TIMP3: variants seen among roughly 807,000 people sequenced by gnomAD.
TIMP3 encodes the protein metalloproteinase inhibitor 3.
A neutral mutation model predicts 30.0 loss-of-function variants in TIMP3; 11 were observed. The observed-to-expected ratio is 0.37, with a 90% CI of 0.23 to 0.61. The LOEUF (loss-of-function observed/expected upper bound fraction) is 0.61. TIMP3 is among the 20% of genes least tolerant of loss of function. TIMP3 has a pLI of 0.70. For missense variants in TIMP3, 181 were observed against 276.8 expected, an observed-to-expected ratio of 0.65 and a Z score of 2.45; for synonymous variants, 112 against 111.3, an observed-to-expected ratio of 1.01 and a Z score of -0.04.
chr22:32,802,594 T>C (rs1489847008), intron 1 of TIMP3, among the ~76,000 whole-genome samples: 2 of 151,852 alleles, frequency 1.3e-5, no homozygotes, highest in African/African-American at 4.8e-5. Context: ...CATCATCTCC[T>C]GCGCCTATGA....
intron 2 of TIMP3, among the ~76,000 whole-genome samples, chr22:32,856,844 A>G (rs2048382407): frequency 6.6e-6 from 1 of 152,040 alleles, no homozygotes; most frequent in South Asian, 2.1e-4. Flanking sequence ...TCTGGTAACC[A>G]CCAATCCACT....
chr22:32,833,164 C>T lies in TIMP3; in HGVS notation c.122-16288C>T, dbSNP rs185511094. 7.2e-5 allele frequency among the ~76,000 whole-genome samples: 11 copies of T among 152,234 alleles called. No individual in the cohort carries two copies. The East Asian group carries it at 7.7e-4, about 11-fold the overall frequency. On this transcript the variant is annotated intron_variant, in intron 1 of 4. Transcript: ENST00000266085. ...TGAACTCTCAACCTTGTATACTGAT[C>T]GGTGGCTCCTGGGAAATTTGCATTT...
intron 1 of TIMP3, 73 bp from the exon 2 acceptor site, chr22:32,849,379 C>T: frequency 1.5e-6 from 2 of 1,357,502 alleles, no homozygotes; most frequent in Non-Finnish European, 1.0e-6. Context: ...GGCTAGCGTG[C>T]CCGCCCTGAG....
Position 32,837,564 on chromosome 22 carries a change from T to C in TIMP3, c.122-11888T>C, listed in dbSNP as rs191985895. On this transcript the variant is annotated intron_variant, in intron 1 of 4. Coordinates refer to ENST00000266085, the MANE Select transcript of TIMP3 (RefSeq NM_000362.5). This position sits in a 1 kb window ranked among gnomAD's most constrained non-coding sequence, Gnocchi z 4.1. The stretch of plus-strand genomic sequence containing the variant: ...GACAGAGATGCATGAAATACTAACG[T>C]TGAAGATTAGAAATGGGATGTGCAC... 6.6e-6 allele frequency among the ~76,000 whole-genome samples: 1 copy of C among 152,066 alleles called. No homozygotes were observed. The highest frequency in any genetic ancestry group is 1.9e-4 in the East Asian group (1 of 5,164).
At chr22:32,816,150 T>G (rs1485841396) in intron 1 of TIMP3, among the ~76,000 whole-genome samples, 1 of 152,124 alleles carries the variant, frequency 6.6e-6, no homozygotes, top group Non-Finnish European at 1.5e-5. Flanking sequence ...CATTCCGCCT[T>G]CCCAGTTGGG....
At chr22:32,805,766 C>G (rs970050528) in intron 1 of TIMP3, among the ~76,000 whole-genome samples, 4 of 152,160 alleles carry the variant, frequency 2.6e-5, no homozygotes, top group African/African-American at 9.6e-5. Flanking sequence ...TCAGTTATAC[C>G]ATGCTTCAAA....
At chr22:32,814,324 A>AAAGAAAGAAAGAAAGAAAGAAAGAAAGG (rs143987389) in intron 1 of TIMP3, among the ~76,000 whole-genome samples, 19 of 65,976 alleles carry the variant, frequency 2.9e-4, no homozygotes, top group African/African-American at 9.2e-4. Context: ...AGACAGAAAG[A>AAAGAAAGAAAGAAAGAAAGAAAGAAAGG]AAGAAAGAAA....
At chr22:32,859,130 G>C in intron 4 of TIMP3, 50 bp from the exon 5 acceptor site, 1 of 1,599,072 alleles carries the variant, frequency 6.3e-7, no homozygotes, top group Middle Eastern at 1.7e-4. Flanking sequence ...CCTCAGGCCT[G>C]GGCATACCAT....
chr22:32,836,402 A>G (rs1311147939), intron 1 of TIMP3, among the ~76,000 whole-genome samples: 1 of 152,250 alleles, frequency 6.6e-6, no homozygotes, highest in African/African-American at 2.4e-5. Flanking sequence ...AGGCCAGGGC[A>G]GGTGGTTCAG....
At chr22:32,841,923 G>A (rs978296422) in intron 1 of TIMP3, among the ~76,000 whole-genome samples, 27 of 152,154 alleles carry the variant, frequency 1.8e-4, no homozygotes, top group Admixed American at 2.6e-4. Flanking sequence ...TGTCAGTTGT[G>A]CAGATGGTGC....
At chr22:32,842,211 C>T (rs896683642) in intron 1 of TIMP3, among the ~76,000 whole-genome samples, 2 of 152,054 alleles carry the variant, frequency 1.3e-5, no homozygotes, top group Non-Finnish European at 1.5e-5. Flanking sequence ...CATTCCAGTA[C>T]GCCGTGATCA....
Position 32,836,918 on chromosome 22 carries a change from A to G in TIMP3, c.122-12534A>G, listed in dbSNP as rs1018855875. Among the ~76,000 whole-genome samples the G allele has an allele frequency of 3.3e-5, 5 of 152,184 alleles. No homozygotes were observed. In the East Asian group the frequency reaches 9.6e-4, roughly 29 times the overall value. On this transcript the variant is annotated intron_variant, in intron 1 of 4. Transcript: ENST00000266085. ...CATTGGCTCTTGTTCAAACCACAAG[A>G]AAGTCTCCTGCCCACTCCTGGTGCA...
intron 2 of TIMP3, among the ~76,000 whole-genome samples, chr22:32,853,274 A>G (rs2048273417): frequency 6.6e-6 from 1 of 152,206 alleles, no homozygotes; most frequent in Non-Finnish European, 1.5e-5. Context: ...CTGTCCTGCT[A>G]GACAAATTGC....
Position 32,858,230 on chromosome 22 carries a change from G to A in TIMP3, c.438+92G>A, listed in dbSNP as rs1162836149. 3.8e-5 allele frequency: 60 copies of A among 1,560,916 alleles called. 2 individuals carry two copies. The South Asian group carries it at 6.0e-4, about 16-fold the overall frequency. On this transcript the variant is annotated intron_variant, in intron 4 of 4. Transcript: ENST00000266085. ...CCAATGCACTGGGTGCCAGGCCCTC[G>A]GCTGGGAAGGGTATGCATGTGTTAG...
rs1435584885 is a variant in TIMP3, at chr22:32,861,151, A to G, written c.*1774A>G. 1 of 144,844 alleles carries G rather than the reference A, an allele frequency of 6.9e-6. No homozygotes were observed. Among genetic ancestry groups the G allele is most frequent in the East Asian group, 2.0e-4 (1 of 4,908 alleles). 9.0% of individuals were successfully genotyped at this position (144,844 alleles called of 1,614,324 possible). ...TTCAGTTCATTCCACTTTAGGAAAC[A>G]GAGCTGCCAATTGAAACAGAAGAAG... On this transcript the variant is annotated 3_prime_UTR_variant, in exon 5 of 5. Transcript: ENST00000266085.
At position 32,860,735 on chromosome 22, in the gene TIMP3, G is replaced by A. The variant is rs1028818584; in HGVS notation, c.*1358G>A. On this transcript the variant is annotated 3_prime_UTR_variant, in exon 5 of 5. Transcript: ENST00000266085. ...TGGGCACAGGAGGGAGAGCTGCAGA[G>A]TGTCCTGCCTGCCTTGGCTGGAGGG... is the stretch of plus-strand genomic sequence containing the variant. 4 of 152,084 alleles carry A rather than the reference G, an allele frequency of 2.6e-5. No homozygotes were observed. Among genetic ancestry groups the A allele is most frequent in the African/African-American group, 7.2e-5 (3 of 41,398 alleles). 9.4% of individuals were successfully genotyped at this position (152,084 alleles called of 1,614,324 possible).
At position 32,807,356 on chromosome 22, in the gene TIMP3, A is replaced by T. The variant is rs1313621352; in HGVS notation, c.121+5234A>T. ...TTTATATATAATATATAAATATATA[A>T]TATATAATATATATTATATATAATA... On this transcript the variant is annotated intron_variant, in intron 1 of 4. Transcript: ENST00000266085. Among the ~76,000 whole-genome samples, 8 of 4,112 alleles carry T rather than the reference A, an allele frequency of 1.9e-3. 1 individual carries two copies. In the South Asian group the frequency reaches 0.087, roughly 45 times the overall value. The allele number at this position is 4,112 out of a possible 152,430, so 2.7% of individuals were successfully genotyped here.
At chr22:32,807,320 TA>T (rs1360447556) in intron 1 of TIMP3, among the ~76,000 whole-genome samples, 1,455 of 105,544 alleles carry the variant, frequency 0.014, 38 homozygotes, top group Admixed American at 0.095. Context: ...ATATAATATA[TA>T]AATATATAAT....
intron 2 of TIMP3, among the ~76,000 whole-genome samples, chr22:32,852,414 C>T (rs565782711): frequency 7.2e-5 from 11 of 152,164 alleles, no homozygotes; most frequent in African/African-American, 2.7e-4. Context: ...CTTGTAATAT[C>T]CTGCAAAGGG....
Sources: gnomAD v4.1 joint callset for allele counts (sites outside exome capture counted in the v4.1 genomes callset) on GRCh38, gnomAD v4.1.1 for gene constraint, Gnocchi (gnomAD v3.1) non-coding constraint, MANE v1.5 for transcripts, NCBI Gene and HGNC (gene_info 2026-07-23, HGNC 2026-07-21) for gene names.